The following COL26A1 variants were observed in gnomAD, a reference collection of about 807,000 sequenced individuals.
COL26A1 encodes the protein collagen alpha-1(XXVI) chain.
A neutral mutation model predicts 59.3 loss-of-function variants in COL26A1; 41 were observed. The ratio of observed to expected loss-of-function variants is 0.69; its 90% CI spans 0.54 to 0.90. The LOEUF (loss-of-function observed/expected upper bound fraction) is 0.90. Among genes scored for constraint, COL26A1 ranks in the 40% least tolerant of loss-of-function variants. The pLI is 0.00. For synonymous variants in COL26A1, 266 were observed against 256.0 expected, an observed-to-expected ratio of 1.04 and a Z score of -0.37; for missense variants, 612 against 602.3, an observed-to-expected ratio of 1.02 and a Z score of -0.17.
At chr7:101,445,600 C>T (rs1002546036) in intron 2 of COL26A1, among the ~76,000 whole-genome samples, 1 of 150,070 alleles carries the variant, frequency 6.7e-6, no homozygotes, top group African/African-American at 2.5e-5. Context: ...GGCGTGGTGG[C>T]GGGCGCCTGT....
chr7:101,536,841 C>T (rs552251399), intron 4 of COL26A1, among the ~76,000 whole-genome samples: 27 of 152,324 alleles, frequency 1.8e-4, no homozygotes, highest in Admixed American at 7.2e-4. Flanking sequence ...CTGGTTGATG[C>T]CTCATGATTA....
At chr7:101,557,003 GGA>G (rs1343785963) in intron 12 of COL26A1, among the ~76,000 whole-genome samples, 2 of 45,776 alleles carry the variant, frequency 4.4e-5, no homozygotes, top group Admixed American at 3.9e-4. Flanking sequence ...GTGGATGGAT[GGA>G]TGGATGGATG....
At chr7:101,520,627 G>GACACACACACACAC (rs1250474937) in intron 3 of COL26A1, among the ~76,000 whole-genome samples, 111 of 88,998 alleles carry the variant, frequency 1.2e-3, no homozygotes, top group Admixed American at 9.9e-3. Flanking sequence ...GACAAGCACA[G>GACACACACACACAC]ACACATACAC....
intron 8 of COL26A1, among the ~76,000 whole-genome samples, chr7:101,548,961 G>T (rs950141681): frequency 2.0e-5 from 3 of 152,190 alleles, no homozygotes; most frequent in African/African-American, 7.2e-5. Context: ...AGGAGGAGGT[G>T]TGGGAGCTGT....
At chr7:101,543,195 G>A (rs1584501144) in intron 5 of COL26A1, among the ~76,000 whole-genome samples, 1 of 151,320 alleles carries the variant, frequency 6.6e-6, no homozygotes, top group South Asian at 2.1e-4. Flanking sequence ...TTTCTGAGAC[G>A]GTCTCGCTCT....
intron 3 of COL26A1, among the ~76,000 whole-genome samples, chr7:101,492,704 AAATAAAT>A (rs1794488961): frequency 3.5e-5 from 1 of 28,410 alleles, no homozygotes; most frequent in African/African-American, 7.6e-4. Flanking sequence ...CTCAAAAAAT[AAATAAAT>A]AAATAAATAA....
chr7:101,430,649 T>G (rs1299507302), intron 2 of COL26A1, among the ~76,000 whole-genome samples: 1 of 151,766 alleles, frequency 6.6e-6, no homozygotes, highest in East Asian at 1.9e-4. Flanking sequence ...CAATTGATAT[T>G]TATATATTGA....
intron 3 of COL26A1, among the ~76,000 whole-genome samples, chr7:101,468,662 G>T (rs1367199062): frequency 4.6e-5 from 7 of 152,206 alleles, no homozygotes; most frequent in Admixed American, 4.6e-4. Context: ...AGATGATGTA[G>T]CATGTTCGGT....
chr7:101,414,659 A>G (rs1792331310), intron 1 of COL26A1, among the ~76,000 whole-genome samples: 2 of 151,838 alleles, frequency 1.3e-5, no homozygotes, highest in Admixed American at 1.3e-4. Context: ...CTGATCTCAA[A>G]CTCCTGACCT....
chr7:101,422,993 G>A (rs148854821), intron 2 of COL26A1, among the ~76,000 whole-genome samples: 179 of 152,248 alleles, frequency 1.2e-3, no homozygotes, highest in African/African-American at 4.1e-3. Context: ...AGCCGGGCAC[G>A]GTGGCTCACG....
At chr7:101,441,635 T>C (rs1176570946) in intron 2 of COL26A1, among the ~76,000 whole-genome samples, 1 of 152,156 alleles carries the variant, frequency 6.6e-6, no homozygotes, top group African/African-American at 2.4e-5. Flanking sequence ...CCTACTTTTA[T>C]TGTTCTCATG....
chr7:101,547,860 C>T (rs1171890082), intron 8 of COL26A1, among the ~76,000 whole-genome samples: 7 of 152,028 alleles, frequency 4.6e-5, no homozygotes, highest in Admixed American at 2.6e-4. Context: ...TTTCTCTGTG[C>T]GTCTCACAAA....
intron 3 of COL26A1, among the ~76,000 whole-genome samples, chr7:101,502,434 G>A (rs750318498): frequency 9.6e-4 from 146 of 152,334 alleles, no homozygotes; most frequent in Non-Finnish European, 1.7e-3. Flanking sequence ...CAAAGCCTTT[G>A]AGGTCATTTG....
At chr7:101,538,588 T>C (rs1310118056) in intron 4 of COL26A1, among the ~76,000 whole-genome samples, 1 of 151,606 alleles carries the variant, frequency 6.6e-6, no homozygotes, top group African/African-American at 2.4e-5. Flanking sequence ...TAAGGGGCCC[T>C]GGGCCAGGCA....
chr7:101,483,196 T>A (rs1794191941), intron 3 of COL26A1, among the ~76,000 whole-genome samples: 1 of 149,038 alleles, frequency 6.7e-6, no homozygotes, highest in African/African-American at 2.5e-5. Context: ...AGAAAGAAAT[T>A]AGCTTTTTTT....
intron 1 of COL26A1, among the ~76,000 whole-genome samples, chr7:101,392,492 C>G (rs996534256): frequency 6.6e-6 from 1 of 151,094 alleles, no homozygotes; most frequent in African/African-American, 2.4e-5. Context: ...ACCTCCGCCT[C>G]CCGGGTTCAA....
chr7:101,453,935 G>A (rs1793404402), intron 3 of COL26A1, among the ~76,000 whole-genome samples: 1 of 152,054 alleles, frequency 6.6e-6, no homozygotes, highest in Admixed American at 6.6e-5. Flanking sequence ...GTGGTTCAGT[G>A]GGGTTTCCCT....
chr7:101,508,342 C>T (rs888021503), intron 3 of COL26A1, among the ~76,000 whole-genome samples: 3 of 151,886 alleles, frequency 2.0e-5, no homozygotes, highest in African/African-American at 4.8e-5. Context: ...GGCAACACAG[C>T]GAGACCCCAT....
At chr7:101,445,877 GTC>G (rs1255415523) in intron 2 of COL26A1, among the ~76,000 whole-genome samples, 1 of 151,150 alleles carries the variant, frequency 6.6e-6, no homozygotes, top group East Asian at 1.9e-4. Context: ...GTGAAACCCT[GTC>G]TCTACTAAAA....
Sources: gnomAD v4.1 joint callset for allele counts (sites outside exome capture counted in the v4.1 genomes callset) on GRCh38, gnomAD v4.1.1 for gene constraint, MANE v1.5 for transcripts, NCBI Gene and HGNC (gene_info 2026-07-23, HGNC 2026-07-21) for gene names.